The following ZCWPW2 variants were observed in gnomAD, a reference collection of about 807,000 sequenced individuals.
ZCWPW2 encodes the protein zinc finger CW-type and PWWP domain containing 2.
In ZCWPW2, 45 loss-of-function variants were observed where a neutral mutation model predicts 46.6. The observed-to-expected ratio is 0.96, with a 90% CI of 0.76 to 1.24. The LOEUF (loss-of-function observed/expected upper bound fraction) is 1.24, where lower values mean the gene tolerates loss of function less well. Among genes scored for constraint, ZCWPW2 ranks in the 50% most tolerant of loss-of-function variants. The pLI is 0.00. For synonymous variants in ZCWPW2, 152 were observed against 137.1 expected (o/e 1.11, Z -0.76); for missense variants, 429 against 403.9 (o/e 1.06, Z -0.53).
chr3:28,491,519 G>A (rs2125816345), intron 5 of ZCWPW2, among the ~76,000 whole-genome samples: 1 of 152,096 alleles, frequency 6.6e-6, no homozygotes, highest in Middle Eastern at 3.4e-3. Flanking sequence ...TTCCATTCTT[G>A]CTGAATCTTT....
intron 1 of ZCWPW2, among the ~76,000 whole-genome samples, chr3:28,366,608 T>A (rs1219649417): frequency 1.4e-5 from 2 of 147,006 alleles, no homozygotes; most frequent in East Asian, 4.0e-4. Flanking sequence ...AATTCTCTTT[T>A]TTTGTTGTGT....
chr3:28,386,461 T>C (rs1442484120), intron 1 of ZCWPW2, among the ~76,000 whole-genome samples: 1 of 152,180 alleles, frequency 6.6e-6, no homozygotes, highest in Non-Finnish European at 1.5e-5. Context: ...ACTAATAGAT[T>C]CATTGTGTTT....
At chr3:28,371,806 C>A (rs745929825) in intron 1 of ZCWPW2, among the ~76,000 whole-genome samples, 1 of 151,958 alleles carries the variant, frequency 6.6e-6, no homozygotes, top group East Asian at 1.9e-4. Context: ...GGGTTGGTGG[C>A]GGATGTGGTC....
intron 8 of ZCWPW2, 131 bp downstream of exon 8, chr3:28,515,752 CATAT>C: frequency 3.1e-6 from 2 of 650,084 alleles, no homozygotes; most frequent in Non-Finnish European, 5.1e-6. Flanking sequence ...TGTGTATACA[CATAT>C]ATACATGTGC....
chr3:28,390,678 C>T, intron 2 of ZCWPW2, 61 bp downstream of exon 2: 1 of 977,314 alleles, frequency 1.0e-6, no homozygotes, highest in Non-Finnish European at 1.2e-6. Context: ...TTATTCCCAT[C>T]ACTGTTCTCT....
intron 1 of ZCWPW2, among the ~76,000 whole-genome samples, chr3:28,355,085 A>G (rs1470526782): frequency 1.3e-5 from 2 of 151,996 alleles, no homozygotes; most frequent in East Asian, 3.9e-4. Flanking sequence ...AGATGACATG[A>G]TTGTATATCT....
chr3:28,513,965 TC>T (rs1169644396), intron 6 of ZCWPW2, 98 bp from the exon 7 acceptor site: 2 of 915,378 alleles, frequency 2.2e-6, no homozygotes, highest in African/African-American at 3.6e-5. Flanking sequence ...CCGGGGTGTT[TC>T]TTCTGACCAA....
intron 4 of ZCWPW2, among the ~76,000 whole-genome samples, chr3:28,452,661 A>G (rs893869883): frequency 6.6e-6 from 1 of 152,184 alleles, no homozygotes; most frequent in Non-Finnish European, 1.5e-5. Context: ...GTTAATTGAG[A>G]TAATACATGT....
chr3:28,436,286 G>C (rs901003390), intron 4 of ZCWPW2, among the ~76,000 whole-genome samples: 1 of 149,712 alleles, frequency 6.7e-6, no homozygotes, highest in African/African-American at 2.5e-5. Flanking sequence ...CAGAAATGTG[G>C]ATACCTTTTA....
At chr3:28,424,214 G>A (rs1032219726) in intron 3 of ZCWPW2, among the ~76,000 whole-genome samples, 1 of 146,920 alleles carries the variant, frequency 6.8e-6, no homozygotes, top group Admixed American at 7.0e-5. Context: ...GAGAGACTGT[G>A]GTGGTCTTAT....
intron 2 of ZCWPW2, among the ~76,000 whole-genome samples, chr3:28,393,914 C>A (rs1206858635): frequency 1.3e-5 from 2 of 152,046 alleles, no homozygotes; most frequent in African/African-American, 4.8e-5. Context: ...GTGCAACATA[C>A]TAGAAGTTTT....
At position 28,399,171 on chromosome 3, in the gene ZCWPW2, A is replaced by T. The variant is rs192806513; in HGVS notation, c.-14+8554A>T. Among the ~76,000 whole-genome samples, 480 of 152,140 alleles carry T rather than the reference A, an allele frequency of 3.2e-3. 2 individuals are homozygous for T. Among genetic ancestry groups the T allele is most frequent in the Non-Finnish European group, 5.8e-3 (397 of 67,990 alleles). ...AGGCCTGTGACTCTGGTTTTCCTCCACTTCACTGACAACCTGCATGACAGT... is the reference window on the plus strand; with the variant it reads ...AGGCCTGTGACTCTGGTTTTCCTCCTCTTCACTGACAACCTGCATGACAGT... On this transcript the variant is annotated intron_variant, in intron 2 of 9. Coordinates refer to ENST00000383768, the MANE Select transcript of ZCWPW2 (RefSeq NM_001040432.4).
At chr3:28,478,291 T>C (rs751629255) in intron 4 of ZCWPW2, 1 of 314,708 alleles carries the variant, frequency 3.2e-6, no homozygotes, top group East Asian at 1.3e-4. Context: ...TCACCTAGAC[T>C]GGAGTGCAGT....
At chr3:28,414,062 G>C (rs1241432487) in intron 3 of ZCWPW2, among the ~76,000 whole-genome samples, 2 of 151,920 alleles carry the variant, frequency 1.3e-5, no homozygotes, top group African/African-American at 4.8e-5. Flanking sequence ...TTTTAGCTAA[G>C]GTTTATTAAA....
chr3:28,432,659 T>A (rs1697312107), intron 3 of ZCWPW2, among the ~76,000 whole-genome samples: 2 of 152,160 alleles, frequency 1.3e-5, no homozygotes, highest in Non-Finnish European at 2.9e-5. Context: ...TAATTTACAT[T>A]GTGCTTTTAA....
chr3:28,468,472 A>T (rs1280712808), intron 4 of ZCWPW2, among the ~76,000 whole-genome samples: 1 of 152,168 alleles, frequency 6.6e-6, no homozygotes, highest in Non-Finnish European at 1.5e-5. Flanking sequence ...ATATTATAGG[A>T]TATCAAGCAG....
intron 5 of ZCWPW2, among the ~76,000 whole-genome samples, chr3:28,480,616 G>A (rs930272952): frequency 1.3e-5 from 2 of 152,084 alleles, no homozygotes; most frequent in Non-Finnish European, 2.9e-5. Flanking sequence ...TTGCTGTGTT[G>A]TAATTGCTTT....
chr3:28,489,333 CT>C (rs1333610769), intron 5 of ZCWPW2, among the ~76,000 whole-genome samples: 2 of 151,728 alleles, frequency 1.3e-5, no homozygotes, highest in Non-Finnish European at 2.9e-5. Flanking sequence ...AGTAAATTTA[CT>C]TTTTTTTAAA....
chr3:28,405,142 A>T (rs1029552824), intron 2 of ZCWPW2, among the ~76,000 whole-genome samples: 1 of 152,250 alleles, frequency 6.6e-6, no homozygotes, highest in Non-Finnish European at 1.5e-5. Context: ...GCTTATTCAT[A>T]TAAACGTACT....
Sources: allele counts gnomAD v4.1 joint callset (sites outside exome capture counted in the v4.1 genomes callset), GRCh38; gene constraint gnomAD v4.1.1; transcripts MANE v1.5; gene names NCBI Gene and HGNC (gene_info 2026-07-23, HGNC 2026-07-21).